MTCL2: variants seen among roughly 807,000 people sequenced by gnomAD.
MTCL2 encodes microtubule crosslinking factor 2, also known as microtubule cross-linking factor 2.
the MTCL2 span, among the ~76,000 whole-genome samples, chr20:36,860,853 C>T: frequency 5.9e-5 from 9 of 152,316 alleles, no homozygotes; most frequent in East Asian, 1.9e-4. Context: ...GTGGAAATTA[C>T]GGTTCCATCT....
the MTCL2 span, chr20:36,815,033 G>T: frequency 7.8e-7 from 1 of 1,287,774 alleles, no homozygotes; most frequent in Non-Finnish European, 1.1e-6. This position sits in a 1 kb window ranked among gnomAD's most constrained non-coding sequence, Gnocchi z 5.3. Context: ...CTGCACTTCA[G>T]CCTGGCCAGC....
chr20:36,799,117 A>G, the MTCL2 span, among the ~76,000 whole-genome samples: 3 of 152,140 alleles, frequency 2.0e-5, no homozygotes, highest in Admixed American at 6.6e-5. Context: ...GCACTTTGGG[A>G]GGCTGAGGTG....
the MTCL2 span, among the ~76,000 whole-genome samples, chr20:36,806,751 C>A: frequency 6.6e-6 from 1 of 152,188 alleles, no homozygotes; most frequent in Non-Finnish European, 1.5e-5. Context: ...AACTCCTGAT[C>A]TCAAGTGATC....
At chr20:36,808,315 C>G in the MTCL2 span, among the ~76,000 whole-genome samples, 1 of 150,130 alleles carries the variant, frequency 6.7e-6, no homozygotes, top group Non-Finnish European at 1.5e-5. Context: ...GAGATTGCAC[C>G]ACTGCACTCT....
At chr20:36,780,340 G>A in the MTCL2 span, 2 of 152,132 alleles carry the variant, frequency 1.3e-5, no homozygotes, top group Non-Finnish European at 2.9e-5. Context: ...AGTGGGTACA[G>A]AGTTTCAGTT....
At chr20:36,816,358 CA>C in the MTCL2 span, 1 of 1,443,378 alleles carries the variant, frequency 6.9e-7, no homozygotes, top group Non-Finnish European at 9.3e-7. Flanking sequence ...CTGGGAGTCT[CA>C]GTACCAGCCA....
chr20:36,797,361 A>T, the MTCL2 span: 7 of 769,994 alleles, frequency 9.1e-6, no homozygotes, highest in African/African-American at 7.1e-5. Context: ...TGAGATACAG[A>T]CTCCAGGGCT....
chr20:36,798,306 G>A, the MTCL2 span, among the ~76,000 whole-genome samples: 1 of 152,306 alleles, frequency 6.6e-6, no homozygotes, highest in East Asian at 1.9e-4. Flanking sequence ...TGACTCAGGT[G>A]ATCCGCCTGC....
chr20:36,784,668 C>G, the MTCL2 span: 3 of 985,310 alleles, frequency 3.0e-6, no homozygotes, highest in Non-Finnish European at 3.6e-6. Flanking sequence ...AGGCGCTGCC[C>G]CACATGCTGC....
chr20:36,841,831 T>G, the MTCL2 span, among the ~76,000 whole-genome samples: 1 of 148,390 alleles, frequency 6.7e-6, no homozygotes, highest in East Asian at 2.0e-4. Flanking sequence ...CCCAAGTAGT[T>G]GGGACCAAAG....
chr20:36,841,155 CAAAAAAAAAAA>C, the MTCL2 span, among the ~76,000 whole-genome samples: 127 of 40,354 alleles, frequency 3.1e-3, no homozygotes, highest in East Asian at 8.4e-3. Flanking sequence ...ACTAAAAATA[CAAAAAAAAAAA>C]AAAAAAAAAA....
chr20:36,834,994 T>TAAAAA, the MTCL2 span, among the ~76,000 whole-genome samples: 2 of 145,672 alleles, frequency 1.4e-5, no homozygotes, highest in African/African-American at 5.0e-5. Flanking sequence ...GACCCTGCCT[T>TAAAAA]AAAAAAAAAA....
chr20:36,793,713 C>T, the MTCL2 span: 1 of 1,546,066 alleles, frequency 6.5e-7, no homozygotes, highest in Non-Finnish European at 8.7e-7. This position sits in a 1 kb window ranked among gnomAD's most constrained non-coding sequence, Gnocchi z 6.8. Context: ...AGGCTGCGGT[C>T]CTTGCTGCTG....
chr20:36,863,453 C>A, the MTCL2 span: 5 of 836,460 alleles, frequency 6.0e-6, no homozygotes, highest in Non-Finnish European at 6.0e-6. This position sits in a 1 kb window ranked among gnomAD's most constrained non-coding sequence, Gnocchi z 6.2. Context: ...GCTGCGGCTG[C>A]TCTCGGCCCA....
At chr20:36,786,176 G>T in the MTCL2 span, 1 of 1,031,514 alleles carries the variant, frequency 9.7e-7, no homozygotes, top group Non-Finnish European at 1.2e-6. Context: ...ACCAGGCAAG[G>T]CTCTCTCTTA....
the MTCL2 span, chr20:36,785,820 T>C: frequency 1.0e-6 from 1 of 985,448 alleles, no homozygotes; most frequent in Non-Finnish European, 1.2e-6. Context: ...GCCTCCCAGC[T>C]CTTGCTGCAT....
chr20:36,857,363 G>A, the MTCL2 span, among the ~76,000 whole-genome samples: 1 of 152,108 alleles, frequency 6.6e-6, no homozygotes, highest in Non-Finnish European at 1.5e-5. Context: ...AATGGGAGTT[G>A]TGTGGCTGCA....
the MTCL2 span, among the ~76,000 whole-genome samples, chr20:36,847,464 G>C: frequency 6.6e-6 from 1 of 152,136 alleles, no homozygotes; most frequent in Non-Finnish European, 1.5e-5. Context: ...AGAAGGGCAG[G>C]GGCTGGTTTG....
chr20:36,788,502 G>A, the MTCL2 span, among the ~76,000 whole-genome samples: 1 of 152,098 alleles, frequency 6.6e-6, no homozygotes. Flanking sequence ...GCCGGGCGCG[G>A]TGGCAGGTGC....
Sources: allele counts gnomAD v4.1 joint callset (sites outside exome capture counted in the v4.1 genomes callset), GRCh38; gene constraint gnomAD v4.1.1; non-coding constraint Gnocchi (gnomAD v3.1); transcripts MANE v1.5; gene names NCBI Gene and HGNC (gene_info 2026-07-23, HGNC 2026-07-21).